Variants in TBC1D22A observed in about 807,000 individuals in gnomAD.
TBC1D22A encodes the protein putative GTPase activator.
TBC1D22A carries 38 observed loss-of-function variants against 60.2 expected under a neutral mutation model. The ratio of observed to expected loss-of-function variants is 0.63; its 90% CI spans 0.49 to 0.83. TBC1D22A has a LOEUF of 0.83. Among genes scored for constraint, TBC1D22A ranks in the 40% least tolerant of loss-of-function variants. The pLI is 0.00. For missense variants in TBC1D22A, 628 were observed against 701.0 expected, an observed-to-expected ratio of 0.90 and a Z score of 1.18; for synonymous variants, 302 against 281.7, an observed-to-expected ratio of 1.07 and a Z score of -0.72.
intron 1 of TBC1D22A, among the ~76,000 whole-genome samples, chr22:46,765,152 G>A (rs1410862507): frequency 6.6e-6 from 1 of 152,196 alleles, no homozygotes; most frequent in Non-Finnish European, 1.5e-5. Context: ...CACTGAAGAG[G>A]GCAGAAGAAG....
At chr22:47,126,616 C>T (rs563263875) in intron 12 of TBC1D22A, among the ~76,000 whole-genome samples, 118 of 152,364 alleles carry the variant, frequency 7.7e-4, no homozygotes, top group African/African-American at 2.7e-3. Flanking sequence ...GGGAGTGACC[C>T]CTGGCGCTGT....
At chr22:47,070,166 C>G (rs541071912) in intron 11 of TBC1D22A, among the ~76,000 whole-genome samples, 1 of 123,598 alleles carries the variant, frequency 8.1e-6, no homozygotes, top group African/African-American at 3.5e-5. Context: ...GCTGACCTGA[C>G]GGTCCTGGCT....
intron 1 of TBC1D22A, among the ~76,000 whole-genome samples, chr22:46,783,416 T>C (rs2084025981): frequency 6.6e-6 from 1 of 152,146 alleles, no homozygotes; most frequent in African/African-American, 2.4e-5. Flanking sequence ...GTTTCAGACA[T>C]TCAGAAGGGG....
At chr22:47,022,051 G>A (rs894930135) in intron 10 of TBC1D22A, among the ~76,000 whole-genome samples, 33 of 152,134 alleles carry the variant, frequency 2.2e-4, no homozygotes, top group African/African-American at 8.0e-4. Context: ...ATACAATCAG[G>A]ATTAATAAAA....
At chr22:46,878,752 C>A in intron 5 of TBC1D22A, 29 bp downstream of exon 5, 1 of 1,608,374 alleles carries the variant, frequency 6.2e-7, no homozygotes, top group Non-Finnish European at 8.5e-7. Context: ...CCCATCAGCG[C>A]CTCCTTCCTG....
intron 1 of TBC1D22A, among the ~76,000 whole-genome samples, chr22:46,779,876 G>A (rs764499305): frequency 1.3e-5 from 2 of 152,220 alleles, no homozygotes; most frequent in South Asian, 2.1e-4. Flanking sequence ...TGTGGGTGTC[G>A]GGGCGGGACA....
chr22:46,806,282 G>T (rs1376403555), intron 4 of TBC1D22A, among the ~76,000 whole-genome samples: 1 of 151,476 alleles, frequency 6.6e-6, no homozygotes, highest in Admixed American at 6.6e-5. Context: ...CTCAGTAAAT[G>T]AACTTTGAAT....
chr22:46,906,091 A>G (rs976469571), intron 7 of TBC1D22A, among the ~76,000 whole-genome samples: 10 of 152,128 alleles, frequency 6.6e-5, no homozygotes, highest in African/African-American at 2.2e-4. Flanking sequence ...GGCTTAGTCC[A>G]GGGTGGAGCC....
In TBC1D22A at chr22:46,777,579, C is replaced by T. The variant is rs774032222; in HGVS notation, c.62+14731C>T. 6.6e-6 allele frequency among the ~76,000 whole-genome samples: 1 copy of T among 152,074 alleles called. No homozygotes were observed. The highest frequency in any genetic ancestry group is 1.5e-5 in the Non-Finnish European group (1 of 68,024). ...GAAGGAAGGAGGACTGAGGACTCGG[C>T]TTTGGGGAGCAGAGTTGGGAACACA... is the stretch of plus-strand genomic sequence containing the variant. On this transcript the variant is annotated intron_variant, in intron 1 of 12. Transcript: ENST00000337137. This position sits in a 1 kb window ranked among gnomAD's most constrained non-coding sequence, Gnocchi z 4.5.
chr22:46,985,615 A>T (rs1342802358), intron 9 of TBC1D22A, among the ~76,000 whole-genome samples: 1 of 152,178 alleles, frequency 6.6e-6, no homozygotes, highest in Non-Finnish European at 1.5e-5. Context: ...ATTACTAAGT[A>T]ATACTCCACC....
chr22:47,043,362 A>G (rs2062914278), intron 11 of TBC1D22A, among the ~76,000 whole-genome samples: 1 of 152,202 alleles, frequency 6.6e-6, no homozygotes, highest in African/African-American at 2.4e-5. Flanking sequence ...GCACGAGGTC[A>G]GGGCCAGGAT....
intron 12 of TBC1D22A, among the ~76,000 whole-genome samples, chr22:47,159,257 C>T (rs1388416494): frequency 6.7e-5 from 10 of 150,242 alleles, no homozygotes; most frequent in Non-Finnish European, 1.0e-4. Flanking sequence ...CATGTATGCA[C>T]GCAGACAACA....
chr22:46,983,630 G>A (rs1204054090), intron 9 of TBC1D22A, among the ~76,000 whole-genome samples: 2 of 151,862 alleles, frequency 1.3e-5, no homozygotes, highest in East Asian at 1.9e-4. Context: ...GAGGTTGGAG[G>A]GAGGGTCCTT....
chr22:47,008,954 T>C (rs1342151955), intron 10 of TBC1D22A, among the ~76,000 whole-genome samples: 1 of 152,120 alleles, frequency 6.6e-6, no homozygotes, highest in Non-Finnish European at 1.5e-5. Context: ...TGGGGACTAG[T>C]TTGTGGGTTA....
chr22:46,798,502 A>C (rs1226573603), intron 4 of TBC1D22A, among the ~76,000 whole-genome samples: 3 of 152,246 alleles, frequency 2.0e-5, no homozygotes, highest in African/African-American at 2.4e-5. Flanking sequence ...CGCAGTGCCC[A>C]TGTGGACTGC....
chr22:47,060,232 T>G (rs1330970112), intron 11 of TBC1D22A, among the ~76,000 whole-genome samples: 1 of 148,318 alleles, frequency 6.7e-6, no homozygotes, highest in Non-Finnish European at 1.5e-5. Flanking sequence ...TGCTAAGGGT[T>G]TCTGACTTTT....
intron 4 of TBC1D22A, among the ~76,000 whole-genome samples, chr22:46,833,389 T>C (rs897822218): frequency 2.6e-5 from 4 of 152,206 alleles, no homozygotes; most frequent in African/African-American, 9.6e-5. Flanking sequence ...CTGTCACCAC[T>C]TGAGGGCCTT....
At chr22:46,941,467 CACGGA>C (rs2072074684) in intron 8 of TBC1D22A, among the ~76,000 whole-genome samples, 2 of 129,262 alleles carry the variant, frequency 1.5e-5, no homozygotes, top group African/African-American at 5.6e-5. Context: ...AATATATATA[CACGGA>C]ATATATATAC....
intron 5 of TBC1D22A, among the ~76,000 whole-genome samples, chr22:46,885,284 C>G (rs1450956326): frequency 1.3e-5 from 2 of 152,134 alleles, no homozygotes; most frequent in African/African-American, 4.8e-5. Flanking sequence ...CTCTCCTGAG[C>G]AGTGTGGGAC....
Sources: gnomAD v4.1 joint callset for allele counts (sites outside exome capture counted in the v4.1 genomes callset) on GRCh38, gnomAD v4.1.1 for gene constraint, Gnocchi (gnomAD v3.1) non-coding constraint, MANE v1.5 for transcripts, NCBI Gene and HGNC (gene_info 2026-07-23, HGNC 2026-07-21) for gene names.